FOXN3: variants seen among roughly 807,000 people sequenced by gnomAD.
FOXN3 encodes the protein forkhead box protein N3.
A neutral mutation model predicts 38.4 loss-of-function variants in FOXN3; 7 were observed. The observed-to-expected ratio is 0.18, with a 90% CI of 0.10 to 0.34. The LOEUF is 0.34. Ranked by LOEUF, FOXN3 falls within the 10% of genes least tolerant of loss-of-function variation. The pLI is 1.00. For synonymous variants in FOXN3, 230 were observed against 242.2 expected (o/e 0.95, Z 0.47); for missense variants, 456 against 613.4 (o/e 0.74, Z 2.71).
intron 1 of FOXN3, among the ~76,000 whole-genome samples, chr14:89,527,212 T>C (rs1566687326): frequency 6.6e-6 from 1 of 152,190 alleles, no homozygotes. Context: ...TCAGTACATA[T>C]CTTGTACCAT....
intron 3 of FOXN3, among the ~76,000 whole-genome samples, chr14:89,282,007 C>A (rs748717289): frequency 6.6e-6 from 1 of 152,126 alleles, no homozygotes; most frequent in Non-Finnish European, 1.5e-5. Context: ...AAGGGCTATA[C>A]GGTGAATGCT....
At chr14:89,269,474 TG>T (rs1886080846) in intron 4 of FOXN3, among the ~76,000 whole-genome samples, 1 of 151,566 alleles carries the variant, frequency 6.6e-6, no homozygotes, top group Non-Finnish European at 1.5e-5. Context: ...ACTTGCTTTT[TG>T]TTTTGTTTTG....
intron 1 of FOXN3, among the ~76,000 whole-genome samples, chr14:89,602,445 T>G (rs1333084333): frequency 6.6e-6 from 1 of 152,176 alleles, no homozygotes; most frequent in Non-Finnish European, 1.5e-5. Flanking sequence ...CTTAATTTTT[T>G]TAAAGCACAC....
chr14:89,177,412 G>C (rs931578040), intron 5 of FOXN3, among the ~76,000 whole-genome samples: 4 of 152,172 alleles, frequency 2.6e-5, no homozygotes, highest in Admixed American at 2.6e-4. Context: ...CTCCTATGAT[G>C]CTCAGGAAAG....
At chr14:89,383,131 T>C (rs1890704986) in intron 2 of FOXN3, among the ~76,000 whole-genome samples, 1 of 144,996 alleles carries the variant, frequency 6.9e-6, no homozygotes, top group East Asian at 2.2e-4. Context: ...GAATAAGACC[T>C]CAGGGAGTCT....
chr14:89,332,371 A>G (rs1027489255), intron 3 of FOXN3, among the ~76,000 whole-genome samples: 3 of 152,186 alleles, frequency 2.0e-5, no homozygotes, highest in African/African-American at 7.2e-5. Flanking sequence ...AAAAGTGAGC[A>G]AAAAGTACAG....
At chr14:89,511,190 T>TTTCTTTTC (rs1234108244) in intron 1 of FOXN3, among the ~76,000 whole-genome samples, 1 of 18,798 alleles carries the variant, frequency 5.3e-5, no homozygotes, top group African/African-American at 1.2e-4. Context: ...TCTTTCTTTC[T>TTTCTTTTC]TTTCTTTCTT....
intron 3 of FOXN3, among the ~76,000 whole-genome samples, chr14:89,334,004 A>C (rs1488373111): frequency 1.7e-4 from 8 of 45,836 alleles, no homozygotes; most frequent in African/African-American, 5.1e-4. Context: ...ATATATATAT[A>C]TATATGTATA....
At chr14:89,511,137 TTTCTTTTCTTTCTTTC>T (rs1259310989) in intron 1 of FOXN3, among the ~76,000 whole-genome samples, 1 of 24,790 alleles carries the variant, frequency 4.0e-5, no homozygotes, top group East Asian at 5.4e-4. Context: ...TCTTTCTTTC[TTTCTTTTCTTTCTTTC>T]TTTCTTTCTT....
intron 1 of FOXN3, among the ~76,000 whole-genome samples, chr14:89,537,486 T>C (rs1468928431): frequency 1.4e-5 from 2 of 146,846 alleles, no homozygotes; most frequent in African/African-American, 2.5e-5. Flanking sequence ...GATGGATGGA[T>C]GGACTATCCA....
intron 1 of FOXN3, among the ~76,000 whole-genome samples, chr14:89,532,848 A>G (rs759298617): frequency 6.6e-6 from 1 of 152,244 alleles, no homozygotes; most frequent in Non-Finnish European, 1.5e-5. Flanking sequence ...GTATAGCTAT[A>G]CATTTTGGTA....
intron 3 of FOXN3, among the ~76,000 whole-genome samples, chr14:89,324,672 T>C (rs916567562): frequency 3.3e-5 from 5 of 151,986 alleles, no homozygotes; most frequent in African/African-American, 2.4e-5. Flanking sequence ...TTTGATCTCT[T>C]AACCACAGGG....
chr14:89,339,543 G>T (rs1001253793), intron 3 of FOXN3, among the ~76,000 whole-genome samples: 4 of 152,190 alleles, frequency 2.6e-5, no homozygotes, highest in Non-Finnish European at 5.9e-5. Flanking sequence ...TTCCAATGCT[G>T]GGGAGGCAGA....
chr14:89,496,460 C>T (rs1893686137), intron 1 of FOXN3, among the ~76,000 whole-genome samples: 1 of 152,020 alleles, frequency 6.6e-6, no homozygotes, highest in Non-Finnish European at 1.5e-5. Context: ...AGCCCAAGTC[C>T]TGACACCACT....
At chr14:89,291,353 C>A in intron 3 of FOXN3, 1 of 575,172 alleles carries the variant, frequency 1.7e-6, no homozygotes, top group South Asian at 1.4e-5. Context: ...AGAAGGAAAG[C>A]CCTGTAACAC....
chr14:89,451,179 AATCAGAC>A lies in FOXN3; in HGVS notation c.-14-38696_-14-38690del, dbSNP rs1892606420. Among the ~76,000 whole-genome samples the A allele has an allele frequency of 4.6e-5, 7 of 152,310 alleles. No homozygotes were observed. The South Asian group carries it at 1.4e-3, about 32-fold the overall frequency. Reference sequence around the variant, plus strand: ...AAGCCAATGTTGACTGAATACCCCAAATCAGACATACCTTAGCTGTCTCTCATTTTGC... The same window carrying A: ...AAGCCAATGTTGACTGAATACCCCAAATACCTTAGCTGTCTCTCATTTTGC... On this transcript the variant is annotated intron_variant, in intron 1 of 6. Coordinates refer to the FOXN3 transcript ENST00000345097.
At chr14:89,435,141 G>A (rs1892249908) in intron 1 of FOXN3, among the ~76,000 whole-genome samples, 1 of 152,104 alleles carries the variant, frequency 6.6e-6, no homozygotes, top group Non-Finnish European at 1.5e-5. Flanking sequence ...CAATACTTTG[G>A]GAGGCTGCGG....
intron 1 of FOXN3, among the ~76,000 whole-genome samples, chr14:89,602,748 G>A (rs764186244): frequency 2.6e-5 from 4 of 152,002 alleles, no homozygotes; most frequent in East Asian, 1.9e-4. Context: ...CACCTGCCTC[G>A]GCCTCCCAAA....
chr14:89,267,457 T>C (rs2139899819), intron 4 of FOXN3, among the ~76,000 whole-genome samples: 1 of 152,086 alleles, frequency 6.6e-6, no homozygotes, highest in East Asian at 1.9e-4. Flanking sequence ...GGCGGTGCTC[T>C]GGCTGGGGGA....
Sources: gnomAD v4.1 joint callset for allele counts (sites outside exome capture counted in the v4.1 genomes callset) on GRCh38, gnomAD v4.1.1 for gene constraint, MANE v1.5 for transcripts, NCBI Gene and HGNC (gene_info 2026-07-23, HGNC 2026-07-21) for gene names.